Variants in RNF111 observed in about 807,000 individuals in gnomAD.
RNF111 encodes E3 ubiquitin-protein ligase Arkadia.
In RNF111, 17 loss-of-function variants were observed where a neutral mutation model predicts 95.1. The observed-to-expected ratio is 0.18, with a 90% CI of 0.12 to 0.27. RNF111 has a LOEUF of 0.27. Ranked by LOEUF, RNF111 falls within the 10% of genes least tolerant of loss-of-function variation. The pLI, the probability that RNF111 is intolerant of heterozygous loss-of-function variation, is 1.00. For synonymous variants in RNF111, 440 were observed against 414.8 expected, an observed-to-expected ratio of 1.06 and a Z score of -0.74; for missense variants, 1,189 against 1,210.4, an observed-to-expected ratio of 0.98 and a Z score of 0.26.
chr15:59,064,341 C>G (rs1403240212), intron 5 of RNF111, among the ~76,000 whole-genome samples: 1 of 151,988 alleles, frequency 6.6e-6, no homozygotes. Context: ...CGAGACCATC[C>G]TGGCTAACAT....
Position 59,094,959 on chromosome 15 carries a change from C to T in RNF111, c.*59C>T, listed in dbSNP as rs1270836349. ...TTCCCATCCTTCCTGGTACTGCAGTCAACCAAAGATGGCATGACTTACCTG... is the reference window on the plus strand; with the variant it reads ...TTCCCATCCTTCCTGGTACTGCAGTTAACCAAAGATGGCATGACTTACCTG... On this transcript the variant is annotated 3_prime_UTR_variant, in exon 14 of 14. Transcript: ENST00000348370. 6 of 1,009,584 alleles carry T rather than the reference C, an allele frequency of 5.9e-6. No homozygotes were observed. The highest frequency in any genetic ancestry group is 9.5e-6 in the Non-Finnish European group (6 of 631,556). The allele number at this position is 1,009,584 out of a possible 1,614,324, so 62.5% of individuals were successfully genotyped here.
intron 1 of RNF111, among the ~76,000 whole-genome samples, chr15:58,991,340 A>G (rs2038807721): frequency 6.6e-6 from 1 of 152,140 alleles, no homozygotes; most frequent in South Asian, 2.1e-4. Context: ...CTGAGCTTAC[A>G]TTTTAAAGAG....
At chr15:59,049,765 T>TG (rs60727965) in intron 2 of RNF111, 3 of 147,656 alleles carry the variant, frequency 2.0e-5, no homozygotes, top group Middle Eastern at 3.5e-3. Context: ...TTTTTTTTTT[T>TG]GAGATGGGGT....
In RNF111 at chr15:59,031,487, C is replaced by T. The variant is rs2040903985; in HGVS notation, c.665C>T (p.Ser222Leu). ...CRKRFVKNNS[S>L]QRTQKQKERI... ...AAGAGATTTGTAAAAAATAATTCCT[C>T]ACAGAGGACACAGAAACAAAAAGAG... The change falls in exon 2 of 14, where the codon TCA becomes TTA. Residue 222 changes from serine (S) to leucine (L), a missense_variant. Around this residue, in one of 2 missense-constraint regions of RNF111, gnomAD observed 1,024 missense variants for 925.9 expected, o/e 1.11. Transcript: ENST00000348370. 1 of 1,613,984 alleles carries T rather than the reference C, an allele frequency of 6.2e-7. No homozygotes were observed. The highest frequency in any genetic ancestry group is 1.3e-5 in the African/African-American group (1 of 74,898).
chr15:59,031,913 CAG>C (rs2040929133), intron 2 of RNF111, among the ~76,000 whole-genome samples: 2 of 152,066 alleles, frequency 1.3e-5, no homozygotes, highest in South Asian at 4.1e-4. Context: ...AAAAATAAGT[CAG>C]AGTTTTTTGG....
chr15:59,064,568 G>A (rs1469099271), intron 5 of RNF111, among the ~76,000 whole-genome samples: 1 of 147,460 alleles, frequency 6.8e-6, no homozygotes, highest in Non-Finnish European at 1.5e-5. Context: ...ATAATTTGTC[G>A]ACTTTGTTTT....
At chr15:59,035,295 A>G (rs1391206643) in intron 2 of RNF111, among the ~76,000 whole-genome samples, 1 of 152,122 alleles carries the variant, frequency 6.6e-6, no homozygotes, top group Admixed American at 6.5e-5. Flanking sequence ...TCCAAATCCC[A>G]TGTCCTCATA....
rs1357418222 is a variant in RNF111, at chr15:59,031,049, A to G, written c.227A>G (p.Lys76Arg). The G allele has an allele frequency of 1.2e-6, 2 of 1,614,280 alleles. No homozygotes were observed. The highest frequency in any genetic ancestry group is 2.7e-5 in the African/African-American group (2 of 75,070). The change falls in exon 2 of 14, where the codon AAG (lysine) becomes AGG (arginine). Residue 76 changes from lysine to arginine, a missense_variant. Around this residue, in one of 2 missense-constraint regions of RNF111, gnomAD observed 1,024 missense variants for 925.9 expected, o/e 1.11. Coordinates refer to ENST00000348370, the MANE Select transcript of RNF111 (RefSeq NM_017610.8). ...HLCDDSQKQEKEMNGNQQEQE... is the reference protein window; with the variant it reads ...HLCDDSQKQEREMNGNQQEQE... Reference sequence around the variant, plus strand: ...TGTGATGATTCTCAAAAGCAAGAGAAGGAAATGAATGGTAACCAGCAAGAA... The same window carrying G: ...TGTGATGATTCTCAAAAGCAAGAGAGGGAAATGAATGGTAACCAGCAAGAA...
chr15:59,081,519 C>T (rs938243862), intron 8 of RNF111, among the ~76,000 whole-genome samples: 9 of 149,726 alleles, frequency 6.0e-5, no homozygotes, highest in Non-Finnish European at 1.2e-4. Flanking sequence ...GAACAAAGAA[C>T]AGCAACAACA....
At chr15:59,001,413 C>T (rs934678321) in intron 1 of RNF111, among the ~76,000 whole-genome samples, 11 of 152,090 alleles carry the variant, frequency 7.2e-5, no homozygotes, top group East Asian at 1.9e-4. Flanking sequence ...GCTATTAGTT[C>T]CTATTTTTGT....
chr15:59,018,552 A>G (rs1019933244), intron 1 of RNF111, among the ~76,000 whole-genome samples: 9 of 144,902 alleles, frequency 6.2e-5, no homozygotes, highest in African/African-American at 1.9e-4. Context: ...TACTTTTTAG[A>G]AAAAAAACAA....
intron 2 of RNF111, among the ~76,000 whole-genome samples, chr15:59,032,391 GTTC>G (rs1463880960): frequency 2.0e-5 from 3 of 152,120 alleles, no homozygotes; most frequent in African/African-American, 7.2e-5. Flanking sequence ...AGTAAGAACA[GTTC>G]TAGTCACTAA....
At chr15:59,052,583 T>G in intron 3 of RNF111, 152 bp downstream of exon 3, 1 of 563,350 alleles carries the variant, frequency 1.8e-6, no homozygotes, top group Non-Finnish European at 2.7e-6. Context: ...TTTTTTTTTT[T>G]TTTTTTTTGG....
chr15:58,999,095 GTTAT>G (rs2141424620), intron 1 of RNF111, among the ~76,000 whole-genome samples: 1 of 152,246 alleles, frequency 6.6e-6, no homozygotes, highest in African/African-American at 2.4e-5. Context: ...ACCTGAAAAG[GTTAT>G]TAAATATACT....
At chr15:59,064,535 C>CAAA (rs35804813) in intron 5 of RNF111, among the ~76,000 whole-genome samples, 6,733 of 76,324 alleles carry the variant, frequency 0.088, 303 homozygotes, top group Admixed American at 0.093. Flanking sequence ...GACTTTGTCG[C>CAAA]AAAAAAAAAA....
chr15:59,053,290 A>G (rs1394007024), intron 3 of RNF111, among the ~76,000 whole-genome samples: 2 of 152,156 alleles, frequency 1.3e-5, no homozygotes, highest in African/African-American at 4.8e-5. Context: ...AACTCCTAAC[A>G]TTGCATTCAT....
chr15:59,004,202 CT>C, intron 1 of RNF111: 1 of 907,288 alleles, frequency 1.1e-6, no homozygotes, highest in Non-Finnish European at 1.4e-6. Context: ...AGTTATCTTC[CT>C]TTAACAAGCT....
intron 1 of RNF111, among the ~76,000 whole-genome samples, chr15:59,026,758 T>C (rs1414657264): frequency 6.6e-6 from 1 of 152,062 alleles, no homozygotes; most frequent in Non-Finnish European, 1.5e-5. Flanking sequence ...AATACAGCGA[T>C]GGATTTTAGA....
intron 1 of RNF111, among the ~76,000 whole-genome samples, chr15:59,000,766 G>A (rs1313620435): frequency 7.9e-5 from 12 of 151,486 alleles, no homozygotes; most frequent in Non-Finnish European, 1.8e-4. Context: ...TTTGATGGTA[G>A]ATGAGCCCAC....
Sources: allele counts gnomAD v4.1 joint callset (sites outside exome capture counted in the v4.1 genomes callset), GRCh38; gene constraint gnomAD v4.1.1; regional missense constraint gnomAD v4.1.1; transcripts MANE v1.5; gene names NCBI Gene and HGNC (gene_info 2026-07-23, HGNC 2026-07-21).